Variants in SYCP1 observed in about 807,000 individuals in gnomAD.
The protein encoded by SYCP1 is cancer/testis antigen 8.
SYCP1 carries 64 observed loss-of-function variants against 153.1 expected under a neutral mutation model. The ratio of observed to expected loss-of-function variants is 0.42; its 90% confidence interval spans 0.34 to 0.51. The LOEUF (loss-of-function observed/expected upper bound fraction) is 0.51. Among genes scored for constraint, SYCP1 ranks in the 20% least tolerant of loss-of-function variants. The pLI is 0.06. For synonymous variants in SYCP1, 384 were observed against 341.8 expected, an observed-to-expected ratio of 1.12 and a Z score of -1.36; for missense variants, 997 against 1,049.0, an observed-to-expected ratio of 0.95 and a Z score of 0.68.
intron 12 of SYCP1, among the ~76,000 whole-genome samples, chr1:114,881,193 C>T (rs1393286904): frequency 3.3e-5 from 5 of 151,872 alleles, no homozygotes; most frequent in Non-Finnish European, 5.9e-5. Context: ...ATAGATGGAA[C>T]ATTATTATTA....
chr1:114,930,172 T>G lies in SYCP1; in HGVS notation c.1926+3609T>G, dbSNP rs1051990377. Among the ~76,000 whole-genome samples the G allele has an allele frequency of 7.2e-5, 11 of 151,990 alleles. 1 individual carries two copies. The highest frequency in any genetic ancestry group is 1.3e-4 in the Non-Finnish European group (9 of 67,884). ...TGAGATAGACATAAAACATAAAAAT[T>G]TGTAAGGTACAAATAAAGGAGCTCT... On this transcript the variant is annotated intron_variant, in intron 23 of 31. Transcript: ENST00000369522.
At chr1:114,860,336 T>C (rs1664286473) in intron 7 of SYCP1, among the ~76,000 whole-genome samples, 1 of 152,148 alleles carries the variant, frequency 6.6e-6, no homozygotes, top group African/African-American at 2.4e-5. Context: ...TTATTTTGTG[T>C]TTTGAAGGTT....
At chr1:114,883,821 T>G (rs1178798825) in intron 12 of SYCP1, among the ~76,000 whole-genome samples, 1 of 152,118 alleles carries the variant, frequency 6.6e-6, no homozygotes, top group Non-Finnish European at 1.5e-5. Context: ...GCCTCCCGAG[T>G]AGCTGGGACT....
chr1:114,887,099 G>GCCTTTCTAGCTC (rs1666364117), intron 14 of SYCP1, among the ~76,000 whole-genome samples: 1 of 152,024 alleles, frequency 6.6e-6, no homozygotes, highest in Admixed American at 6.6e-5. Flanking sequence ...GGAAAAGCTA[G>GCCTTTCTAGCTC]CCTTTCTAGC....
chr1:114,989,544 C>T lies in SYCP1; in HGVS notation c.2703+4676C>T, dbSNP rs558992446. ...TTACTTTAAATGTAAATAGATTATA[C>T]TCTCCTATCAAAAGATATAGATTGG... is the stretch of plus-strand genomic sequence containing the variant. On this transcript the variant is annotated intron_variant, in intron 30 of 31. Transcript: ENST00000369522. Among the ~76,000 whole-genome samples, 190 of 152,020 alleles carry T rather than the reference C, an allele frequency of 1.2e-3. 2 individuals are homozygous for T. Among genetic ancestry groups the T allele is most frequent in the African/African-American group, 4.4e-3 (181 of 41,516 alleles).
rs191678077 is a variant in SYCP1, at chr1:114,876,700, G to A, written c.728-37G>A. The A allele has an allele frequency of 4.0e-3, 4,171 of 1,050,808 alleles. 21 individuals carry two copies. Among genetic ancestry groups the A allele is most frequent in the Non-Finnish European group, 3.7e-3 (2,851 of 775,728 alleles). 65.1% of individuals were successfully genotyped at this position (1,050,808 alleles called of 1,614,324 possible). A position where few individuals can be genotyped will look rare whatever the true frequency, so the allele number is the denominator to read the frequency against. ...TGTAATAGAAATGTTATAAAATTAT[G>A]TTATGACATTACAGTATATTTGTTT... On this transcript the variant is annotated intron_variant, in intron 10 of 31. Coordinates refer to ENST00000369522, the MANE Select transcript of SYCP1 (RefSeq NM_003176.4).
At chr1:114,862,704 A>G (rs1664461826) in intron 8 of SYCP1, among the ~76,000 whole-genome samples, 1 of 152,024 alleles carries the variant, frequency 6.6e-6, no homozygotes, top group South Asian at 2.1e-4. Context: ...GGTTTAGAGA[A>G]CCCAACATTT....
chr1:114,940,300 T>C (rs1670304035), intron 23 of SYCP1, among the ~76,000 whole-genome samples: 2 of 152,140 alleles, frequency 1.3e-5, no homozygotes, highest in Non-Finnish European at 2.9e-5. Context: ...TTTCATTATG[T>C]TGGCCAGACT....
intron 27 of SYCP1, among the ~76,000 whole-genome samples, chr1:114,958,488 T>C (rs1217669174): frequency 6.6e-6 from 1 of 152,106 alleles, no homozygotes; most frequent in South Asian, 2.1e-4. Context: ...ATGATAGATA[T>C]CCTAATTACT....
intron 27 of SYCP1, among the ~76,000 whole-genome samples, chr1:114,971,745 A>G (rs1457406378): frequency 6.6e-6 from 1 of 152,182 alleles, no homozygotes; most frequent in Non-Finnish European, 1.5e-5. Flanking sequence ...ATGTTGAATC[A>G]TTCTTGCATC....
intron 21 of SYCP1, among the ~76,000 whole-genome samples, chr1:114,926,069 T>C (rs537847795): frequency 6.6e-6 from 1 of 151,820 alleles, no homozygotes; most frequent in East Asian, 1.9e-4. Flanking sequence ...AACCCAGGAG[T>C]TGGAAGTTGC....
intron 15 of SYCP1, among the ~76,000 whole-genome samples, chr1:114,889,664 C>T (rs149348957): frequency 0.028 from 4,329 of 152,230 alleles, 94 homozygotes; most frequent in Non-Finnish European, 0.046. Flanking sequence ...CCTGTTCACT[C>T]TGATGGTAGT....
rs572780916 is a variant in SYCP1 at position 114,862,472 on chromosome 1, C to A, written c.598+1663C>A. Among the ~76,000 whole-genome samples, 3 of 152,070 alleles carry A rather than the reference C, an allele frequency of 2.0e-5. No individual in the cohort carries two copies. The South Asian group carries it at 6.2e-4, about 32-fold the overall frequency. The stretch of plus-strand genomic sequence containing the variant: ...TCAAGTGATTCTCCTGCCTCAGCCT[C>A]CTGAGTAGCTGTGACTACAGGTGCC... On this transcript the variant is annotated intron_variant, in intron 8 of 31. Transcript: ENST00000369522.
Position 114,951,104 on chromosome 1 carries a change from G to T in SYCP1, c.2322+3784G>T, listed in dbSNP as rs995290446. 1.1e-4 allele frequency among the ~76,000 whole-genome samples: 17 copies of T among 152,246 alleles called. No homozygotes were observed. The East Asian group carries it at 2.7e-3, about 24-fold the overall frequency. On this transcript the variant is annotated intron_variant, in intron 27 of 31. Coordinates refer to ENST00000369522, the MANE Select transcript of SYCP1 (RefSeq NM_003176.4). The stretch of plus-strand genomic sequence containing the variant: ...CCCCCAAAGTGCTGGGATTACAGGC[G>T]TGAGCCACCACGCCCGGCCTAAATT...
chr1:114,912,889 G>A, intron 18 of SYCP1, 144 bp from the exon 19 acceptor site: 2 of 592,214 alleles, frequency 3.4e-6, no homozygotes, highest in South Asian at 4.6e-5. Flanking sequence ...CCAGCTTCAG[G>A]AATTATAAAC....
intron 20 of SYCP1, among the ~76,000 whole-genome samples, chr1:114,919,737 T>G (rs755445661): frequency 3.9e-5 from 6 of 152,208 alleles, no homozygotes; most frequent in Middle Eastern, 3.4e-3. Flanking sequence ...GAGGGTTGTA[T>G]GTGTCTAGGT....
At chr1:114,895,123 A>ATT (rs1386302718) in intron 15 of SYCP1, among the ~76,000 whole-genome samples, 1 of 152,038 alleles carries the variant, frequency 6.6e-6, no homozygotes, top group Non-Finnish European at 1.5e-5. Context: ...AAAATGTCAG[A>ATT]TGTTTAGACA....
At chr1:114,946,507 G>A (rs867112782) in intron 26 of SYCP1, 126 bp downstream of exon 26, 1 of 475,086 alleles carries the variant, frequency 2.1e-6, no homozygotes, top group Middle Eastern at 4.8e-4. Context: ...CTCTGAAAGG[G>A]ATCTTATAGA....
At chr1:114,947,575 A>G (rs1037326819) in intron 27 of SYCP1, among the ~76,000 whole-genome samples, 3 of 151,864 alleles carry the variant, frequency 2.0e-5, no homozygotes, top group African/African-American at 7.3e-5. Flanking sequence ...GCACTTTGGG[A>G]GGCCGAGGCG....
Sources: allele counts gnomAD v4.1 joint callset (sites outside exome capture counted in the v4.1 genomes callset), GRCh38; gene constraint gnomAD v4.1.1; transcripts MANE v1.5; gene names NCBI Gene and HGNC (gene_info 2026-07-23, HGNC 2026-07-21).